Variants in GLIS3 observed in about 807,000 individuals in gnomAD.
GLIS3 encodes the protein GLIS family zinc finger 3.
A neutral mutation model predicts 78.6 loss-of-function variants in GLIS3; 53 were observed. The ratio of observed to expected loss-of-function variants is 0.67; its 90% confidence interval spans 0.54 to 0.85. The LOEUF is 0.85. GLIS3 is among the 40% of genes least tolerant of loss of function. The pLI, the probability that GLIS3 is intolerant of heterozygous loss-of-function variation, is 0.00. For synonymous variants in GLIS3, 684 were observed against 509.9 expected (o/e 1.34, Z -4.60); for missense variants, 1,703 against 1,231.1 (o/e 1.38, Z -5.74).
At chr9:4,360,654 A>G in the GLIS3 span, among the ~76,000 whole-genome samples, 3 of 152,158 alleles carry the variant, frequency 2.0e-5, no homozygotes, top group Admixed American at 6.5e-5. Flanking sequence ...ATGGCAAAGG[A>G]CCATTAATAA....
intron 2 of GLIS3, among the ~76,000 whole-genome samples, chr9:4,157,993 G>A (rs1027974535): frequency 2.0e-5 from 3 of 152,168 alleles, no homozygotes; most frequent in South Asian, 2.1e-4. Flanking sequence ...TTGCAAGCAT[G>A]CCTGTCAGGA....
chr9:4,141,320 A>G (rs1833798017), intron 2 of GLIS3, among the ~76,000 whole-genome samples: 1 of 152,166 alleles, frequency 6.6e-6, no homozygotes, highest in South Asian at 2.1e-4. Context: ...GGTAAAAGGT[A>G]TGGCTGCCTG....
intron 2 of GLIS3, among the ~76,000 whole-genome samples, chr9:4,141,934 A>G (rs1403603361): frequency 6.6e-6 from 1 of 152,250 alleles, no homozygotes; most frequent in Non-Finnish European, 1.5e-5. Flanking sequence ...AGAGTAATGT[A>G]AGCATTTCTG....
intron 4 of GLIS3, among the ~76,000 whole-genome samples, chr9:4,086,753 G>T (rs1392654767): frequency 6.6e-6 from 1 of 152,164 alleles, no homozygotes; most frequent in East Asian, 1.9e-4. Context: ...TGCACAGGAG[G>T]GACTTTCAGC....
intron 2 of GLIS3, among the ~76,000 whole-genome samples, chr9:4,338,546 C>A (rs1383338231): frequency 6.6e-6 from 1 of 152,066 alleles, no homozygotes; most frequent in Non-Finnish European, 1.5e-5. Flanking sequence ...TATAGGGCCC[C>A]AAACTTGAAG....
At chr9:4,472,136 G>A in the GLIS3 span, among the ~76,000 whole-genome samples, 1 of 152,182 alleles carries the variant, frequency 6.6e-6, no homozygotes, top group Non-Finnish European at 1.5e-5. Flanking sequence ...TGGAGAAATA[G>A]GAATGCTTTT....
intron 3 of GLIS3, among the ~76,000 whole-genome samples, chr9:4,122,153 C>T (rs142187120): frequency 6.6e-6 from 1 of 152,322 alleles, no homozygotes; most frequent in African/African-American, 2.4e-5. Flanking sequence ...AACTCAGTAA[C>T]TTGTATGGGG....
intron 6 of GLIS3, among the ~76,000 whole-genome samples, chr9:3,922,002 C>A (rs908870656): frequency 2.0e-5 from 3 of 151,500 alleles, no homozygotes; most frequent in African/African-American, 4.9e-5. Context: ...ATAGTCCTAA[C>A]AGAAATTCAA....
intron 4 of GLIS3, among the ~76,000 whole-genome samples, chr9:3,965,011 T>C (rs1817826576): frequency 6.6e-6 from 1 of 151,346 alleles, no homozygotes. Flanking sequence ...ATCTTGGACA[T>C]AAAAAAAATA....
chr9:4,474,388 C>A, the GLIS3 span, among the ~76,000 whole-genome samples: 1 of 152,036 alleles, frequency 6.6e-6, no homozygotes, highest in African/African-American at 2.4e-5. Context: ...GACGCAGACA[C>A]ACAAATAGAA....
intron 7 of GLIS3, among the ~76,000 whole-genome samples, chr9:3,882,433 G>A (rs1391839785): frequency 6.6e-6 from 1 of 152,138 alleles, no homozygotes; most frequent in Non-Finnish European, 1.5e-5. Context: ...AAAGCCAGAG[G>A]GACATGGTGC....
Position 4,125,793 on chromosome 9 carries a change from AC to A in GLIS3, c.536del (p.Ser179IlefsTer8). The A allele has an allele frequency of 6.2e-7, 1 of 1,614,122 alleles. No homozygotes were observed. Among genetic ancestry groups the A allele is most frequent in the South Asian group, 1.1e-5 (1 of 91,082 alleles). On this transcript the variant is annotated frameshift_variant, in exon 3 of 11. Transcript: ENST00000381971. LOFTEE classifies it high-confidence loss of function. ...SQVSTACNQISPSLQRAMNAA... is the reference protein window; with the variant it reads ...SQVSTACNQIXPSLQRAMNAA... Reference sequence around the variant, plus strand: ...CATTCATTGCCCTCTGTAAGCTAGGACTGATCTGGTTGCATGCTGTAGAGAC... The same window carrying A: ...CATTCATTGCCCTCTGTAAGCTAGGATGATCTGGTTGCATGCTGTAGAGAC...
At chr9:3,872,232 C>G (rs1218045656) in intron 8 of GLIS3, among the ~76,000 whole-genome samples, 3 of 152,218 alleles carry the variant, frequency 2.0e-5, no homozygotes, top group Admixed American at 6.5e-5. Flanking sequence ...CAACAAGTCT[C>G]TAGGAAATTC....
chr9:3,939,090 T>TAAGAAC (rs1379372266), intron 4 of GLIS3, among the ~76,000 whole-genome samples: 18 of 152,146 alleles, frequency 1.2e-4, no homozygotes, highest in Admixed American at 3.3e-4. Context: ...TTAGCAAGGC[T>TAAGAAC]CTTTTGTAGG....
At chr9:4,343,050 C>T (rs1027706535) in intron 2 of GLIS3, among the ~76,000 whole-genome samples, 1 of 152,160 alleles carries the variant, frequency 6.6e-6, no homozygotes, top group African/African-American at 2.4e-5. Flanking sequence ...ATCAAAACCA[C>T]AGTGAGGCCC....
intron 2 of GLIS3, among the ~76,000 whole-genome samples, chr9:4,338,594 G>C (rs1289547591): frequency 2.6e-5 from 4 of 152,124 alleles, no homozygotes; most frequent in Non-Finnish European, 4.4e-5. Flanking sequence ...AATAGGTCTG[G>C]AAGAATCTAA....
chr9:4,126,558 T>C (rs992973938), intron 2 of GLIS3, among the ~76,000 whole-genome samples: 1 of 152,174 alleles, frequency 6.6e-6, no homozygotes, highest in Non-Finnish European at 1.5e-5. Flanking sequence ...AAATTGGACA[T>C]AGATTTTTCA....
chr9:4,303,537 T>A (rs1345837819), upstream of GLIS3, among the ~76,000 whole-genome samples: 1 of 152,214 alleles, frequency 6.6e-6, no homozygotes, highest in East Asian at 1.9e-4. Context: ...CACATACATG[T>A]CAGTGATGTA....
At chr9:4,214,362 C>T (rs1334651753) in intron 2 of GLIS3, among the ~76,000 whole-genome samples, 2 of 152,212 alleles carry the variant, frequency 1.3e-5, no homozygotes, top group African/African-American at 4.8e-5. Context: ...GGAAAAACAT[C>T]TTCTGGATTA....
Sources: gnomAD v4.1 joint callset for allele counts (sites outside exome capture counted in the v4.1 genomes callset) on GRCh38, gnomAD v4.1.1 for gene constraint, MANE v1.5 for transcripts, NCBI Gene and HGNC (gene_info 2026-07-23, HGNC 2026-07-21) for gene names.